Variants in PBX3 observed in about 807,000 individuals in gnomAD.
PBX3 encodes the protein pre-B-cell leukemia transcription factor 3.
PBX3 carries 14 observed loss-of-function variants against 48.5 expected under a neutral mutation model. That is an observed-to-expected ratio of 0.29 (90% CI 0.19 to 0.45). The LOEUF (loss-of-function observed/expected upper bound fraction) is 0.45. PBX3 is among the 20% of genes least tolerant of loss of function. The pLI is 1.00. For missense variants in PBX3, 386 were observed against 546.7 expected, an observed-to-expected ratio of 0.71 and a Z score of 2.93; for synonymous variants, 210 against 200.3, an observed-to-expected ratio of 1.05 and a Z score of -0.41.
chr9:125,877,151 G>T (rs1840274047), intron 2 of PBX3, among the ~76,000 whole-genome samples: 1 of 152,148 alleles, frequency 6.6e-6, no homozygotes, highest in Non-Finnish European at 1.5e-5. Flanking sequence ...TCCCCTAGAG[G>T]CACACACAGA....
chr9:125,842,569 C>CATTCATTAA (rs371742978), intron 2 of PBX3, among the ~76,000 whole-genome samples: 28 of 152,200 alleles, frequency 1.8e-4, no homozygotes, highest in Admixed American at 1.4e-3. Flanking sequence ...AGCTTAATGG[C>CATTCATTAA]ATTCATTAGT....
intron 2 of PBX3, among the ~76,000 whole-genome samples, chr9:125,856,818 CAG>C (rs1839736328): frequency 6.6e-6 from 1 of 152,160 alleles, no homozygotes; most frequent in African/African-American, 2.4e-5. Flanking sequence ...TTATCAAAGA[CAG>C]AATATTGCTT....
rs1239675320 is a variant in PBX3, at chr9:125,856,233, G to A, written c.275-59453G>A. On this transcript the variant is annotated intron_variant, in intron 2 of 8. Transcript: ENST00000373489. ...AAGATATATTATCTGGTTTCTCTGTGTCCCAAGTGGGGCCTCTTTTTGAAT... is the reference window on the plus strand; with the variant it reads ...AAGATATATTATCTGGTTTCTCTGTATCCCAAGTGGGGCCTCTTTTTGAAT... 2.0e-5 allele frequency among the ~76,000 whole-genome samples: 3 copies of A among 152,136 alleles called. No homozygotes were observed. The East Asian group carries it at 5.8e-4, about 29-fold the overall frequency.
chr9:125,919,628 G>C (rs1468088431), intron 3 of PBX3, among the ~76,000 whole-genome samples: 2 of 152,122 alleles, frequency 1.3e-5, no homozygotes, highest in Non-Finnish European at 2.9e-5. Context: ...TAAGGCAAAG[G>C]CTTCAACAGA....
chr9:125,770,864 T>A (rs888143118), intron 2 of PBX3, among the ~76,000 whole-genome samples: 1 of 152,336 alleles, frequency 6.6e-6, no homozygotes, highest in Middle Eastern at 3.4e-3. Flanking sequence ...AGCAGCTTCA[T>A]TGGAACATTT....
At chr9:125,957,218 G>A (rs112767331) in intron 5 of PBX3, among the ~76,000 whole-genome samples, 232 of 152,278 alleles carry the variant, frequency 1.5e-3, no homozygotes, top group African/African-American at 5.1e-3. Context: ...TAAACATAAC[G>A]AATGATCACT....
intron 2 of PBX3, among the ~76,000 whole-genome samples, chr9:125,819,606 T>C (rs926282253): frequency 1.5e-4 from 23 of 152,174 alleles, no homozygotes; most frequent in African/African-American, 5.1e-4. Flanking sequence ...CAAATACTAC[T>C]GATATCTTCC....
chr9:125,867,258 G>T (rs10986994), intron 2 of PBX3, among the ~76,000 whole-genome samples: 1 of 151,812 alleles, frequency 6.6e-6, no homozygotes, highest in Non-Finnish European at 1.5e-5. Flanking sequence ...TTGAATAAAA[G>T]AATAGAAGCC....
In PBX3 at chr9:125,835,051, A is replaced by AAAAAAAAAAT. The variant is rs1564681272; in HGVS notation, c.275-80635_275-80634insAAAAAAAAAT. Among the ~76,000 whole-genome samples, 13 of 108,060 alleles carry AAAAAAAAAAT rather than the reference A, an allele frequency of 1.2e-4. 5 individuals are homozygous for AAAAAAAAAAT. The highest frequency in any genetic ancestry group is 4.2e-4 in the African/African-American group (11 of 26,366). The allele number at this position is 108,060 out of a possible 152,430, so 70.9% of individuals were successfully genotyped here. On this transcript the variant is annotated intron_variant, in intron 2 of 8. Coordinates refer to ENST00000373489, the MANE Select transcript of PBX3 (RefSeq NM_006195.6). The stretch of plus-strand genomic sequence containing the variant: ...AAAAAAAAAAAAAAAAAAAAAAAAA[A>AAAAAAAAAAT]GGGCAAAAGATATGAAAAGACAAGT...
chr9:125,940,195 A>G (rs530001357), intron 5 of PBX3, among the ~76,000 whole-genome samples: 39 of 152,214 alleles, frequency 2.6e-4, no homozygotes, highest in African/African-American at 8.9e-4. Context: ...AAAAAAAAAA[A>G]AGAAGAAAAA....
rs149853897 is a variant in PBX3 at position 125,813,077 on chromosome 9, A to G, written c.274+64454A>G. The stretch of plus-strand genomic sequence containing the variant: ...TTATAAAAATATTTTTATTTCTTCA[A>G]TAAGTTACCCTTAGCTTACTATAAC... On this transcript the variant is annotated intron_variant, in intron 2 of 8. Coordinates refer to ENST00000373489, the MANE Select transcript of PBX3 (RefSeq NM_006195.6). 9.1e-3 allele frequency among the ~76,000 whole-genome samples: 1,388 copies of G among 152,316 alleles called. 29 individuals carry two copies. Among genetic ancestry groups the G allele is most frequent in the African/African-American group, 0.031 (1,302 of 41,568 alleles).
intron 2 of PBX3, among the ~76,000 whole-genome samples, chr9:125,841,714 G>A (rs1839295033): frequency 6.6e-6 from 1 of 152,152 alleles, no homozygotes; most frequent in African/African-American, 2.4e-5. Context: ...GAATGCTGTT[G>A]AATGGGCAGT....
chr9:125,760,652 A>G (rs1227858869), intron 2 of PBX3, among the ~76,000 whole-genome samples: 1 of 152,208 alleles, frequency 6.6e-6, no homozygotes, highest in Non-Finnish European at 1.5e-5. Context: ...AAACATAAAC[A>G]TTAGTGAACA....
intron 2 of PBX3, among the ~76,000 whole-genome samples, chr9:125,881,880 A>G (rs917198759): frequency 4.0e-5 from 6 of 151,692 alleles, no homozygotes; most frequent in Non-Finnish European, 8.8e-5. Context: ...TGGATTTGGG[A>G]GGATCCATTA....
At chr9:125,791,345 A>ATCTG (rs781448108) in intron 2 of PBX3, among the ~76,000 whole-genome samples, 1 of 149,350 alleles carries the variant, frequency 6.7e-6, no homozygotes, top group African/African-American at 2.5e-5. Context: ...CTATCTATCT[A>ATCTG]TCTCTGTCAA....
intron 2 of PBX3, among the ~76,000 whole-genome samples, chr9:125,791,374 T>C (rs1003410357): frequency 6.6e-6 from 1 of 150,776 alleles, no homozygotes; most frequent in Non-Finnish European, 1.5e-5. Context: ...CATCTATCTA[T>C]CTGTCTAGCT....
chr9:125,927,174 T>C (rs1255521166), intron 3 of PBX3, among the ~76,000 whole-genome samples: 1 of 152,202 alleles, frequency 6.6e-6, no homozygotes. Flanking sequence ...TTAACCAACA[T>C]AACTCTCACT....
At chr9:125,873,423 G>C (rs1840175286) in intron 2 of PBX3, among the ~76,000 whole-genome samples, 1 of 151,908 alleles carries the variant, frequency 6.6e-6, no homozygotes, top group Non-Finnish European at 1.5e-5. Context: ...GAATATGTAG[G>C]AACACTGAAA....
intron 2 of PBX3, among the ~76,000 whole-genome samples, chr9:125,870,674 A>G (rs961883179): frequency 2.6e-5 from 4 of 152,208 alleles, no homozygotes; most frequent in African/African-American, 9.6e-5. Context: ...GTAAAATAAT[A>G]TCTAATTTGT....
Sources: gnomAD v4.1 joint callset for allele counts (sites outside exome capture counted in the v4.1 genomes callset) on GRCh38, gnomAD v4.1.1 for gene constraint, MANE v1.5 for transcripts, NCBI Gene and HGNC (gene_info 2026-07-23, HGNC 2026-07-21) for gene names.